Variants in PRR12 observed in about 807,000 individuals in gnomAD.
PRR12 encodes proline rich 12, also known as proline-rich protein 12.
In PRR12, 12 loss-of-function variants were observed where a neutral mutation model predicts 138.0. That is an observed-to-expected ratio of 0.09 (90% CI 0.06 to 0.14). PRR12 has a LOEUF of 0.14. Ranked by LOEUF, PRR12 falls within the 10% of genes least tolerant of loss-of-function variation. PRR12 has a pLI of 1.00. For synonymous variants in PRR12, 1,567 were observed against 1,291.7 expected, an observed-to-expected ratio of 1.21 and a Z score of -4.57; for missense variants, 2,692 against 2,861.3, an observed-to-expected ratio of 0.94 and a Z score of 1.35.
In PRR12 at chr19:49,614,148, C is replaced by T. The variant is rs2080879944; in HGVS notation, c.4774-385C>T. On this transcript the variant is annotated intron_variant, in intron 6 of 13. Transcript: ENST00000418929. The surrounding 1 kb of genome is among the most constrained non-coding windows in gnomAD (Gnocchi z 5.0). ...GTAAAAAGAGAATTATGTGGGGGGA[C>T]AGTCAGACCACAACAGGACGTCTTG... is the stretch of plus-strand genomic sequence containing the variant. 6.6e-6 allele frequency among the ~76,000 whole-genome samples: 1 copy of T among 152,214 alleles called. No individual in the cohort carries two copies. The highest frequency in any genetic ancestry group is 2.1e-4 in the South Asian group (1 of 4,822).
Position 49,595,613 on chromosome 19 carries a change from C to T in PRR12, c.1278C>T (p.Ala426=), listed in dbSNP as rs775550560. The change falls in exon 4 of 14, where the codon GCC becomes GCT. Residue 426 remains alanine, a synonymous_variant. Coordinates refer to ENST00000418929, the MANE Select transcript of PRR12 (RefSeq NM_020719.3). ...KCQSLGGPAA[A]YATGKASGAG... ...AGAGCCTGGGTGGGCCAGCAGCCGC[C>T]TATGCCACTGGGAAGGCCTCTGGGG... 1.9e-6 allele frequency: 3 copies of T among 1,608,022 alleles called. No individual in the cohort carries two copies. Among genetic ancestry groups the T allele is most frequent in the African/African-American group, 2.7e-5 (2 of 74,856 alleles).
chr19:49,612,530 T>C (rs935067457), intron 6 of PRR12, among the ~76,000 whole-genome samples: 2 of 152,030 alleles, frequency 1.3e-5, no homozygotes, highest in African/African-American at 4.8e-5. Flanking sequence ...CCAGTGAGAA[T>C]GTGCTAGCCA....
rs368824619 is a variant in PRR12, at chr19:49,597,690, C to T, written c.3355C>T (p.Arg1119Trp). Residue 1119 changes from arginine (R) to tryptophan (W), a missense_variant, in exon 4 of 14, where the codon CGG (arginine) becomes TGG (tryptophan). Around this residue, in one of 11 missense-constraint regions of PRR12, gnomAD observed 6 missense variants for 19.6 expected, o/e 0.31. Transcript: ENST00000418929. The surrounding 1 kb of genome is among the most constrained non-coding windows in gnomAD (Gnocchi z 6.3). ...DVPADIRLNP[R>W]RLPDLVSSCR... The stretch of plus-strand genomic sequence containing the variant: ...TCCCGCCGACATCCGCCTCAACCCC[C>T]GGCGCTTGCCTGACCTGGTCTCCAG... 4.4e-6 allele frequency: 7 copies of T among 1,605,912 alleles called. 1 individual carries two copies. In the African/African-American group the frequency reaches 6.7e-5, roughly 15 times the overall value.
chr19:49,598,396 G>A (rs899037590), intron 4 of PRR12, among the ~76,000 whole-genome samples: 4 of 152,112 alleles, frequency 2.6e-5, no homozygotes, highest in Non-Finnish European at 5.9e-5. Flanking sequence ...GAGTCTTAAA[G>A]GACAGGTTTA....
rs2080880202 is a variant in PRR12, at chr19:49,614,188, C to T, written c.4774-345C>T. On this transcript the variant is annotated intron_variant, in intron 6 of 13. Coordinates refer to ENST00000418929, the MANE Select transcript of PRR12 (RefSeq NM_020719.3). The surrounding 1 kb of genome is among the most constrained non-coding windows in gnomAD (Gnocchi z 5.0). Reference sequence around the variant, plus strand: ...AGGACGTCTTGCTCACAACCGTACTCTCCTGTCCAGCACAGTAAATAGCAG... The same window carrying T: ...AGGACGTCTTGCTCACAACCGTACTTTCCTGTCCAGCACAGTAAATAGCAG... Among the ~76,000 whole-genome samples, 1 of 152,298 alleles carries T rather than the reference C, an allele frequency of 6.6e-6. No individual in the cohort carries two copies. Among genetic ancestry groups the T allele is most frequent in the South Asian group, 2.1e-4 (1 of 4,824 alleles).
At chr19:49,623,497 T>C (rs1345916555) in intron 11 of PRR12, among the ~76,000 whole-genome samples, 2 of 151,832 alleles carry the variant, frequency 1.3e-5, no homozygotes, top group Non-Finnish European at 2.9e-5. Flanking sequence ...CCGGGTGTGG[T>C]GGTGGGTGCC....
rs752530502 is a variant in PRR12, at chr19:49,597,267, G to A, written c.2932G>A (p.Ala978Thr). The A allele has an allele frequency of 4.5e-6, 7 of 1,570,496 alleles. No homozygotes were observed. Among genetic ancestry groups the A allele is most frequent in the Middle Eastern group, 1.7e-4 (1 of 6,008 alleles). ...GGACGAGGGGGACCCCAAGGCTGGCGCTGGGCCACCCCCCGGCCCCCCTGC... is the reference window on the plus strand; with the variant it reads ...GGACGAGGGGGACCCCAAGGCTGGCACTGGGCCACCCCCCGGCCCCCCTGC... ...PEDEGDPKAG[A>T]GPPPGPPAYD... is the part of the protein sequence containing the mutation. The change falls in exon 4 of 14, where the codon GCT becomes ACT. Residue 978 changes from alanine (A) to threonine (T), a missense_variant. This residue lies in a region of PRR12 where 840 missense variants were observed against 689.8 expected (regional missense o/e 1.22). Transcript: ENST00000418929. This position sits in a 1 kb window ranked among gnomAD's most constrained non-coding sequence, Gnocchi z 6.3.
At position 49,595,158 on chromosome 19, in the gene PRR12, C is replaced by T. The variant is rs755493909; in HGVS notation, c.823C>T (p.Pro275Ser). 3 of 1,610,848 alleles carry T rather than the reference C, an allele frequency of 1.9e-6. No homozygotes were observed. Among genetic ancestry groups the T allele is most frequent in the African/African-American group, 2.7e-5 (2 of 74,910 alleles). Reference protein sequence around the residue: ...LYNFSGAAPGPPPPERALPRQ... With the variant: ...LYNFSGAAPGSPPPERALPRQ... ...TAACTTCTCGGGTGCTGCCCCGGGCCCACCGCCGCCTGAGCGGGCCCTGCC... is the reference window on the plus strand; with the variant it reads ...TAACTTCTCGGGTGCTGCCCCGGGCTCACCGCCGCCTGAGCGGGCCCTGCC... The change falls in exon 4 of 14, where the codon CCA (proline) becomes TCA (serine). Residue 275 changes from proline (P) to serine (S), a missense_variant. Pro to Ser is a moderately conservative substitution (Grantham distance 74). Coordinates refer to ENST00000418929, the MANE Select transcript of PRR12 (RefSeq NM_020719.3).
At chr19:49,620,232 C>A in intron 9 of PRR12, 120 bp from the exon 10 acceptor site, 1 of 1,383,120 alleles carries the variant, frequency 7.2e-7, no homozygotes, top group Non-Finnish European at 9.9e-7. Flanking sequence ...CCCTAGCGGA[C>A]TTGGACCTCC....
rs2080951639 is a variant in PRR12, at chr19:49,625,719, G to C, written c.*112G>C. On this transcript the variant is annotated 3_prime_UTR_variant, in exon 14 of 14. Transcript: ENST00000418929. This position sits in a 1 kb window ranked among gnomAD's most constrained non-coding sequence, Gnocchi z 5.5. ...CCATCGCCGGGGAAAGGGGGTCATG[G>C]GTCAGGGTGTGTCTGTGCTGCCCCC... The C allele has an allele frequency of 1.4e-6, 2 of 1,397,642 alleles. No individual in the cohort carries two copies. Among genetic ancestry groups the C allele is most frequent in the Non-Finnish European group, 1.9e-6 (2 of 1,057,714 alleles). 86.6% of individuals were successfully genotyped at this position (1,397,642 alleles called of 1,614,324 possible).
intron 9 of PRR12, among the ~76,000 whole-genome samples, chr19:49,619,006 G>A (rs1392544522): frequency 2.0e-5 from 3 of 152,152 alleles, no homozygotes; most frequent in East Asian, 1.9e-4. Flanking sequence ...TGGAGGCCCA[G>A]TGTGGTCTGG....
rs769277576 is a variant in PRR12, at chr19:49,596,368, G to A, written c.2033G>A (p.Gly678Asp). The change falls in exon 4 of 14, where the codon GGC becomes GAC. Residue 678 changes from glycine to aspartate, a missense_variant. This residue lies in a region of PRR12 where 840 missense variants were observed against 689.8 expected (regional missense o/e 1.22). Transcript: ENST00000418929. The surrounding 1 kb of genome is among the most constrained non-coding windows in gnomAD (Gnocchi z 5.6). Reference protein sequence around the residue: ...ADASKGLGGSGGAGGPPGTPY... With the variant: ...ADASKGLGGSDGAGGPPGTPY... The stretch of plus-strand genomic sequence containing the variant: ...GCCTCTAAGGGACTTGGGGGGAGTG[G>A]CGGGGCCGGGGGACCACCGGGTACA... 6.3e-7 allele frequency: 1 copy of A among 1,599,968 alleles called. No homozygotes were observed. Among genetic ancestry groups the A allele is most frequent in the Non-Finnish European group, 8.5e-7 (1 of 1,176,550 alleles).
chr19:49,604,363 CAA>C (rs758315046), intron 6 of PRR12, among the ~76,000 whole-genome samples: 35 of 91,198 alleles, frequency 3.8e-4, no homozygotes, highest in Non-Finnish European at 4.2e-4. Context: ...GAGACTGTCT[CAA>C]AAAAAAAAAA....
At chr19:49,621,744 T>A in intron 11 of PRR12, 122 bp downstream of exon 11, 1 of 802,376 alleles carries the variant, frequency 1.2e-6, no homozygotes, top group Non-Finnish European at 2.0e-6. Flanking sequence ...TGGGCTCAGA[T>A]GGGAGAAAAG....
In PRR12 at chr19:49,614,742, C is replaced by T. The variant is rs2080882842; in HGVS notation, c.4890+93C>T. ...CTTAGTGTGGCTGTGACTCACTCCA[C>T]AGTGTATCTGGAAGGGGGCCCCCTG... is the stretch of plus-strand genomic sequence containing the variant. On this transcript the variant is annotated intron_variant, in intron 7 of 13. Coordinates refer to ENST00000418929, the MANE Select transcript of PRR12 (RefSeq NM_020719.3). This position sits in a 1 kb window ranked among gnomAD's most constrained non-coding sequence, Gnocchi z 5.0. The T allele has an allele frequency of 1.3e-6, 2 of 1,484,106 alleles. No individual in the cohort carries two copies. The highest frequency in any genetic ancestry group is 1.8e-6 in the Non-Finnish European group (2 of 1,087,608). The allele number at this position is 1,484,106 out of a possible 1,614,324, so 91.9% of individuals were successfully genotyped here.
chr19:49,597,466 C>T lies in PRR12; in HGVS notation c.3131C>T (p.Pro1044Leu), dbSNP rs751681501. Residue 1044 changes from proline to leucine, a missense_variant, in exon 4 of 14, where the codon CCG becomes CTG. Around this residue, in one of 11 missense-constraint regions of PRR12, gnomAD observed 840 missense variants for 689.8 expected, o/e 1.22. Coordinates refer to ENST00000418929, the MANE Select transcript of PRR12 (RefSeq NM_020719.3). This position sits in a 1 kb window ranked among gnomAD's most constrained non-coding sequence, Gnocchi z 6.3. ...PHQAAPPPPP[P>L]PPPPPAPASE... ...CAGGCGGCGCCACCACCCCCGCCTC[C>T]GCCACCGCCGCCTCCCGCGCCGGCC... 4.9e-5 allele frequency: 75 copies of T among 1,542,784 alleles called. No individual in the cohort carries two copies. Among genetic ancestry groups the T allele is most frequent in the Non-Finnish European group, 6.0e-5 (69 of 1,146,380 alleles).
chr19:49,594,481 T>A lies in PRR12; in HGVS notation c.227T>A (p.Leu76His). 1 of 1,611,634 alleles carries A rather than the reference T, an allele frequency of 6.2e-7. No individual in the cohort carries two copies. The highest frequency in any genetic ancestry group is 1.7e-5 in the Admixed American group (1 of 59,608). ...AGLSGLFDTG[L>H]HHAGSAGPDA... Reference sequence around the variant, plus strand: ...CTCTCTGGACTCTTCGACACTGGCCTCCACCACGCGGGCTCAGCAGGGCCC... The same window carrying A: ...CTCTCTGGACTCTTCGACACTGGCCACCACCACGCGGGCTCAGCAGGGCCC... Residue 76 changes from leucine (L) to histidine (H), a missense_variant, in exon 3 of 14, where the codon CTC (leucine) becomes CAC (histidine). Leu to His is a moderately conservative substitution (Grantham distance 99). This residue lies in a region of PRR12 where 211 missense variants were observed against 266.3 expected (regional missense o/e 0.79). Coordinates refer to ENST00000418929, the MANE Select transcript of PRR12 (RefSeq NM_020719.3). This position sits in a 1 kb window ranked among gnomAD's most constrained non-coding sequence, Gnocchi z 5.6.
chr19:49,608,522 C>T (rs1455043502), intron 6 of PRR12, among the ~76,000 whole-genome samples: 4 of 152,026 alleles, frequency 2.6e-5, no homozygotes, highest in Non-Finnish European at 1.5e-5. Flanking sequence ...AGGCAAGTGC[C>T]ACCACACCCA....
Position 49,617,714 on chromosome 19 carries a change from AG to A in PRR12, c.5497+1499del, listed in dbSNP as rs140015651. On this transcript the variant is annotated intron_variant, in intron 9 of 13. Transcript: ENST00000418929. ...GTACCTGGTCAGGGCCACACAGTAC[AG>A]GGGTAGCTGTTTTAACAGAGATTAG... 8.3e-3 allele frequency among the ~76,000 whole-genome samples: 1,268 copies of A among 152,278 alleles called. 11 individuals carry two copies. Among genetic ancestry groups the A allele is most frequent in the African/African-American group, 0.029 (1,202 of 41,550 alleles).
Sources: allele counts gnomAD v4.1 joint callset (sites outside exome capture counted in the v4.1 genomes callset), GRCh38; gene constraint gnomAD v4.1.1; regional missense constraint gnomAD v4.1.1; non-coding constraint Gnocchi (gnomAD v3.1); transcripts MANE v1.5; gene names NCBI Gene and HGNC (gene_info 2026-07-23, HGNC 2026-07-21).